The following DNAH9 variants were observed in gnomAD, a reference collection of about 807,000 sequenced individuals.
The protein encoded by DNAH9 is dynein axonemal heavy chain 9, also known as DNAH9 variant protein.
DNAH9 carries 345 observed loss-of-function variants against 471.6 expected under a neutral mutation model. That is an observed-to-expected ratio of 0.73 (90% CI 0.67 to 0.80). DNAH9 has a LOEUF of 0.80. Ranked by LOEUF, DNAH9 falls within the 30% of genes least tolerant of loss-of-function variation. The probability of loss-of-function intolerance (pLI) is 0.00; values close to 1 mark genes in which losing one functional copy is unlikely to be tolerated. For missense variants in DNAH9, 5,407 were observed against 5,609.2 expected (o/e 0.96, Z 1.15); for synonymous variants, 2,093 against 2,123.6 (o/e 0.99, Z 0.40).
chr17:11,846,142 C>A (rs1222875423), intron 49 of DNAH9, among the ~76,000 whole-genome samples: 1 of 145,210 alleles, frequency 6.9e-6, no homozygotes, highest in South Asian at 2.2e-4. Context: ...TTAGGTCTAA[C>A]GTTTAAGTCT....
intron 6 of DNAH9, among the ~76,000 whole-genome samples, chr17:11,624,030 C>T (rs772734620): frequency 2.6e-5 from 4 of 152,166 alleles, no homozygotes; most frequent in Non-Finnish European, 5.9e-5. Context: ...TCGGTGTCTG[C>T]AGTAAGTGGA....
chr17:11,781,951 G>A (rs763243813), intron 39 of DNAH9, among the ~76,000 whole-genome samples: 17 of 150,702 alleles, frequency 1.1e-4, no homozygotes, highest in Admixed American at 4.0e-4. Context: ...TATCTCTTGC[G>A]ACAGCATAAT....
chr17:11,955,060 A>G (rs577749829), intron 67 of DNAH9, among the ~76,000 whole-genome samples: 2 of 152,314 alleles, frequency 1.3e-5, no homozygotes, highest in East Asian at 3.9e-4. Context: ...TGATTCTTAC[A>G]GCATATGTGG....
chr17:11,778,677 G>A (rs182546240), intron 38 of DNAH9, among the ~76,000 whole-genome samples: 13 of 152,174 alleles, frequency 8.5e-5, no homozygotes, highest in Admixed American at 3.3e-4. Flanking sequence ...CAGTGGAGAC[G>A]GCGAAAAGAG....
At chr17:11,657,038 T>G (rs2073665149) in intron 14 of DNAH9, among the ~76,000 whole-genome samples, 1 of 152,180 alleles carries the variant, frequency 6.6e-6, no homozygotes, top group Admixed American at 6.5e-5. Flanking sequence ...AAAGCTTGTA[T>G]GTACAGTCTG....
chr17:11,653,055 A>G, intron 14 of DNAH9, 53 bp downstream of exon 14: 1 of 1,589,410 alleles, frequency 6.3e-7, no homozygotes, highest in Non-Finnish European at 8.6e-7. Context: ...GAAAGCATCA[A>G]AAAGTGTGTT....
rs544904018 is a variant in DNAH9, at chr17:11,800,007, A to G, written c.8420+2214A>G. On this transcript the variant is annotated intron_variant, in intron 43 of 68. Transcript: ENST00000262442. ...CCATAAATATCAAACAGGTCTCAAC[A>G]TTGCTAGAAATTGTCCTCCTCTACC... Among the ~76,000 whole-genome samples, 7 of 152,260 alleles carry G rather than the reference A, an allele frequency of 4.6e-5. No individual in the cohort carries two copies. In the South Asian group the frequency reaches 8.3e-4, roughly 18 times the overall value.
At chr17:11,814,220 C>G (rs886943695) in intron 45 of DNAH9, among the ~76,000 whole-genome samples, 5 of 152,158 alleles carry the variant, frequency 3.3e-5, no homozygotes, top group African/African-American at 9.7e-5. Context: ...AGTCCCCACT[C>G]TAATTTAGAG....
At chr17:11,786,937 G>A (rs1040275176) in intron 41 of DNAH9, among the ~76,000 whole-genome samples, 7 of 152,170 alleles carry the variant, frequency 4.6e-5, no homozygotes, top group Admixed American at 1.3e-4. Flanking sequence ...TGTGGAGAAC[G>A]CAACATCCCT....
chr17:11,848,706 C>A (rs1952678365), intron 49 of DNAH9, among the ~76,000 whole-genome samples: 2 of 152,138 alleles, frequency 1.3e-5, no homozygotes, highest in African/African-American at 4.8e-5. Context: ...TTCAGCAAAG[C>A]ATTATCTGTG....
rs377657649 is a variant in DNAH9, at chr17:11,744,900, G to A, written c.6215G>A (p.Arg2072His). 1.7e-4 allele frequency: 273 copies of A among 1,614,012 alleles called. No homozygotes were observed. Among genetic ancestry groups the A allele is most frequent in the Non-Finnish European group, 2.1e-4 (247 of 1,180,020 alleles). The change falls in exon 31 of 69, where the codon CGC (arginine) becomes CAC (histidine). Residue 2072 changes from arginine (R) to histidine (H), a missense_variant. Around this residue, in one of 3 missense-constraint regions of DNAH9, gnomAD observed 4,636 missense variants for 4,900.3 expected, o/e 0.95. Transcript: ENST00000262442. ...CGGCCTGAGGACCAGGTCCTGATGC[G>A]CTCCTTGCGGGATTTCAACATCCCC... ...PDRPEDQVLMRSLRDFNIPKI... is the reference protein window; with the variant it reads ...PDRPEDQVLMHSLRDFNIPKI...
intron 46 of DNAH9, 71 bp from the exon 47 acceptor site, chr17:11,822,367 G>A: frequency 6.4e-7 from 1 of 1,561,946 alleles, no homozygotes; most frequent in Non-Finnish European, 8.8e-7. Flanking sequence ...GAGAACCCAA[G>A]GCCATATCTG....
intron 59 of DNAH9, 80 bp from the exon 60 acceptor site, chr17:11,902,639 C>G (rs1973450206): frequency 2.4e-6 from 3 of 1,267,378 alleles, no homozygotes; most frequent in Non-Finnish European, 2.2e-6. Flanking sequence ...ATAAGACCAT[C>G]TGGCCCCTCA....
intron 10 of DNAH9, among the ~76,000 whole-genome samples, chr17:11,643,710 T>C (rs1363205459): frequency 1.3e-5 from 2 of 152,206 alleles, no homozygotes; most frequent in African/African-American, 2.4e-5. Flanking sequence ...ATATGCTCTA[T>C]GATCAATACG....
At chr17:11,944,775 G>A (rs968483487) in intron 67 of DNAH9, among the ~76,000 whole-genome samples, 5 of 152,144 alleles carry the variant, frequency 3.3e-5, no homozygotes, top group African/African-American at 1.2e-4. Context: ...CAACCTCTAA[G>A]GGTGGGGCCT....
At chr17:11,842,535 C>A (rs1341556329) in intron 49 of DNAH9, among the ~76,000 whole-genome samples, 1 of 152,106 alleles carries the variant, frequency 6.6e-6, no homozygotes, top group Non-Finnish European at 1.5e-5. Context: ...GTCCGGGTCC[C>A]AAAACCTCAA....
At chr17:11,695,152 T>G (rs1002133244) in intron 22 of DNAH9, among the ~76,000 whole-genome samples, 6 of 151,730 alleles carry the variant, frequency 4.0e-5, no homozygotes, top group Non-Finnish European at 8.8e-5. Context: ...CCTCCCAAAG[T>G]GCTGGGATTA....
At position 11,922,164 on chromosome 17, in the gene DNAH9, G is replaced by T. The variant is rs530841688; in HGVS notation, c.11750-1650G>T. On this transcript the variant is annotated intron_variant, in intron 61 of 68. Transcript: ENST00000262442. ...CTACAAAAAGTCATCATCTTGCGTTGTCCTGTACATTTCAATGACAGTCTA... is the reference window on the plus strand; with the variant it reads ...CTACAAAAAGTCATCATCTTGCGTTTTCCTGTACATTTCAATGACAGTCTA... Among the ~76,000 whole-genome samples the T allele has an allele frequency of 1.3e-4, 20 of 152,256 alleles. No homozygotes were observed. In the South Asian group the frequency reaches 3.3e-3, roughly 25 times the overall value.
At chr17:11,896,082 T>C (rs1973207396) in intron 59 of DNAH9, among the ~76,000 whole-genome samples, 1 of 152,202 alleles carries the variant, frequency 6.6e-6, no homozygotes, top group Non-Finnish European at 1.5e-5. Context: ...TATCACCATC[T>C]TCCCATCTTC....
Sources: allele counts gnomAD v4.1 joint callset (sites outside exome capture counted in the v4.1 genomes callset), GRCh38; gene constraint gnomAD v4.1.1; regional missense constraint gnomAD v4.1.1; transcripts MANE v1.5; gene names NCBI Gene and HGNC (gene_info 2026-07-23, HGNC 2026-07-21).